Variants in GMDS observed in about 807,000 individuals in gnomAD.
GMDS encodes the protein GDP-mannose 4,6 dehydratase.
In GMDS, 20 loss-of-function variants were observed where a neutral mutation model predicts 49.9. The ratio of observed to expected loss-of-function variants is 0.40; its 90% CI spans 0.28 to 0.58. GMDS has a LOEUF of 0.58. GMDS is among the 20% of genes least tolerant of loss of function. The probability of loss-of-function intolerance (pLI) is 0.42; values close to 1 mark genes in which losing one functional copy is unlikely to be tolerated. For synonymous variants in GMDS, 177 were observed against 178.6 expected, an observed-to-expected ratio of 0.99 and a Z score of 0.07; for missense variants, 362 against 481.4, an observed-to-expected ratio of 0.75 and a Z score of 2.32.
chr6:1,950,342 C>G (rs747096019), intron 6 of GMDS, among the ~76,000 whole-genome samples: 7 of 152,196 alleles, frequency 4.6e-5, no homozygotes, highest in Non-Finnish European at 1.0e-4. Context: ...ATCATGGACT[C>G]TACAACTTAT....
chr6:2,043,674 G>C (rs777092318), intron 4 of GMDS, among the ~76,000 whole-genome samples: 12 of 152,228 alleles, frequency 7.9e-5, no homozygotes, highest in Non-Finnish European at 1.6e-4. Context: ...ATTTCTGTGA[G>C]ACAGTGCTAG....
At chr6:1,865,674 C>T (rs1212820096) in intron 7 of GMDS, among the ~76,000 whole-genome samples, 23 of 152,098 alleles carry the variant, frequency 1.5e-4, no homozygotes, top group Admixed American at 1.2e-3. Context: ...GCAAAAATAA[C>T]GCTGAATTAA....
chr6:1,957,140 C>T (rs867239509), intron 6 of GMDS, among the ~76,000 whole-genome samples: 19 of 152,132 alleles, frequency 1.2e-4, no homozygotes, highest in African/African-American at 3.9e-4. Context: ...GTAAAATCAA[C>T]AATATGTATA....
chr6:2,025,515 T>C (rs1768543386), intron 4 of GMDS, among the ~76,000 whole-genome samples: 1 of 151,592 alleles, frequency 6.6e-6, no homozygotes, highest in Non-Finnish European at 1.5e-5. Flanking sequence ...CACACATACA[T>C]GCACAGTGGA....
At chr6:1,982,455 A>T (rs1036943025) in intron 4 of GMDS, among the ~76,000 whole-genome samples, 19 of 152,220 alleles carry the variant, frequency 1.2e-4, no homozygotes, top group African/African-American at 4.3e-4. Flanking sequence ...CTTTGTTTGC[A>T]GATGACATGA....
chr6:2,155,587 T>C (rs914271365), intron 1 of GMDS, among the ~76,000 whole-genome samples: 9 of 152,118 alleles, frequency 5.9e-5, no homozygotes, highest in African/African-American at 2.2e-4. Context: ...AGGAGAAGAT[T>C]AGTGTGTACC....
At chr6:1,707,949 G>C (rs1765797311) in intron 9 of GMDS, among the ~76,000 whole-genome samples, 1 of 152,298 alleles carries the variant, frequency 6.6e-6, no homozygotes, top group Admixed American at 6.5e-5. Flanking sequence ...TACCAAATCT[G>C]TTGTTGCACC....
At position 2,224,403 on chromosome 6, in the gene GMDS, TAGACTC is replaced by T. The variant is rs1484106776; in HGVS notation, c.102+20912_102+20917del. The stretch of plus-strand genomic sequence containing the variant: ...CAGGGCCACAATGACTTCTGGACAT[TAGACTC>T]AGACAACTTGGCATTTTCAGTTTGG... On this transcript the variant is annotated intron_variant, in intron 1 of 10. Coordinates refer to ENST00000380815, the MANE Select transcript of GMDS (RefSeq NM_001500.4). Among the ~76,000 whole-genome samples the T allele has an allele frequency of 6.6e-5, 10 of 152,366 alleles. No homozygotes were observed. The East Asian group carries it at 1.9e-3, about 29-fold the overall frequency.
At chr6:1,749,213 C>T (rs1020473210) in intron 7 of GMDS, among the ~76,000 whole-genome samples, 1 of 152,114 alleles carries the variant, frequency 6.6e-6, no homozygotes, top group Non-Finnish European at 1.5e-5. Flanking sequence ...TGCTCTCTGG[C>T]GATGTTTGCT....
intron 7 of GMDS, among the ~76,000 whole-genome samples, chr6:1,842,068 A>C (rs188943947): frequency 6.6e-6 from 1 of 152,286 alleles, no homozygotes; most frequent in East Asian, 1.9e-4. Context: ...CCATATTCAC[A>C]TACTCACAGT....
At chr6:2,048,535 A>G (rs1020593794) in intron 4 of GMDS, among the ~76,000 whole-genome samples, 9 of 152,182 alleles carry the variant, frequency 5.9e-5, no homozygotes, top group Admixed American at 6.5e-5. Flanking sequence ...TTGCATTTAC[A>G]TATATATTTT....
In GMDS at chr6:2,223,149, C is replaced by CTATA. The variant is rs531975981; in HGVS notation, c.102+22168_102+22171dup. Among the ~76,000 whole-genome samples the CTATA allele has an allele frequency of 5.1e-3, 756 of 149,224 alleles. 3 individuals carry two copies. The highest frequency in any genetic ancestry group is 0.01 in the Middle Eastern group (3 of 290). On this transcript the variant is annotated intron_variant, in intron 1 of 10. Coordinates refer to ENST00000380815, the MANE Select transcript of GMDS (RefSeq NM_001500.4). ...AATCAATAGCGCGCTCTCTCTCTCTCTATATATATATACACACATATATAT... is the reference window on the plus strand; with the variant it reads ...AATCAATAGCGCGCTCTCTCTCTCTCTATATATATATATATACACACATATATAT...
chr6:1,900,195 T>G (rs566378583), intron 7 of GMDS, among the ~76,000 whole-genome samples: 4 of 152,248 alleles, frequency 2.6e-5, no homozygotes, highest in South Asian at 4.2e-4. Context: ...GGGGAGAAAC[T>G]AGGGTTGTGG....
At chr6:1,811,298 C>G (rs1770419685) in intron 7 of GMDS, among the ~76,000 whole-genome samples, 1 of 152,150 alleles carries the variant, frequency 6.6e-6, no homozygotes, top group Admixed American at 6.5e-5. Context: ...TTCTAATATT[C>G]AGTATGATGC....
chr6:1,932,560 T>TG (rs1482310773), intron 6 of GMDS, among the ~76,000 whole-genome samples: 1 of 147,138 alleles, frequency 6.8e-6, no homozygotes, highest in East Asian at 2.0e-4. Flanking sequence ...TTTTTTGAGA[T>TG]GGAGTCTCAC....
In GMDS at chr6:1,746,747, G is replaced by A. The variant is rs1225101274; in HGVS notation, c.772-4161C>T. ...GACAGAATCTTGCTCTGTCGCCCAG[G>A]CTGGAGTACAGTGGCACAATCTCGG... On this transcript the variant is annotated intron_variant, in intron 7 of 10. Coordinates refer to ENST00000380815, the MANE Select transcript of GMDS (RefSeq NM_001500.4). 2.0e-5 allele frequency among the ~76,000 whole-genome samples: 3 copies of A among 152,112 alleles called. No individual in the cohort carries two copies. The East Asian group carries it at 5.8e-4, about 29-fold the overall frequency.
intron 2 of GMDS, among the ~76,000 whole-genome samples, chr6:2,118,994 A>G (rs1774996886): frequency 6.6e-6 from 1 of 152,184 alleles, no homozygotes; most frequent in South Asian, 2.1e-4. Context: ...TCACATATAT[A>G]CTTATACATA....
At position 2,185,646 on chromosome 6, in the gene GMDS, CAT is replaced by C. The variant is rs1163944040; in HGVS notation, c.102+59673_102+59674del. Among the ~76,000 whole-genome samples the C allele has an allele frequency of 2.6e-5, 4 of 152,302 alleles. No individual in the cohort carries two copies. The East Asian group carries it at 5.8e-4, about 22-fold the overall frequency. On this transcript the variant is annotated intron_variant, in intron 1 of 10. Transcript: ENST00000380815. The stretch of plus-strand genomic sequence containing the variant: ...CCCTGTGTGCAAGTTCCTTCACCCA[CAT>C]GTCTCAGATGAGCAGTTAAAAGAGC...
chr6:1,817,969 G>C (rs1770738358), intron 7 of GMDS, among the ~76,000 whole-genome samples: 1 of 151,964 alleles, frequency 6.6e-6, no homozygotes, highest in Admixed American at 6.6e-5. Flanking sequence ...CTAAAAAGGG[G>C]GAAAAAGTGA....
Sources: allele counts gnomAD v4.1 joint callset (sites outside exome capture counted in the v4.1 genomes callset), GRCh38; gene constraint gnomAD v4.1.1; transcripts MANE v1.5; gene names NCBI Gene and HGNC (gene_info 2026-07-23, HGNC 2026-07-21).